The following N4BP1 variants were observed in gnomAD, a reference collection of about 807,000 sequenced individuals.
The protein encoded by N4BP1 is NEDD4 binding protein 1, also known as NEDD4-binding protein 1.
Under a neutral mutation model 70.9 loss-of-function variants are expected in N4BP1, and 21 were observed. The observed-to-expected ratio is 0.30, with a 90% confidence interval of 0.21 to 0.43. The LOEUF (loss-of-function observed/expected upper bound fraction) is 0.43, where lower values mean the gene tolerates loss of function less well. Among genes scored for constraint, N4BP1 ranks in the 20% least tolerant of loss-of-function variants. N4BP1 has a pLI of 1.00. For missense variants in N4BP1, 936 were observed against 1,069.4 expected, an observed-to-expected ratio of 0.88 and a Z score of 1.74; for synonymous variants, 387 against 394.6, an observed-to-expected ratio of 0.98 and a Z score of 0.23.
chr16:48,548,741 GAGGTGGAGGATCAGCTGAGCCCAGGC>G (rs1172805056), intron 4 of N4BP1, among the ~76,000 whole-genome samples: 2 of 151,728 alleles, frequency 1.3e-5, no homozygotes, highest in East Asian at 3.9e-4. Context: ...TCAGGAGGCT[GAGGTGGAGGATCAGCTGAGCCCAGGC>G]AGGTGGAGGG....
chr16:48,598,369 G>A (rs1463555236), intron 1 of N4BP1, among the ~76,000 whole-genome samples: 38 of 152,130 alleles, frequency 2.5e-4, no homozygotes, highest in Admixed American at 2.4e-3. Flanking sequence ...GCAAAAGGCA[G>A]GGAGGAGAGT....
intron 1 of N4BP1, among the ~76,000 whole-genome samples, chr16:48,572,035 A>AT: frequency 6.6e-6 from 1 of 152,018 alleles, no homozygotes; most frequent in East Asian, 1.9e-4. Flanking sequence ...CCCCATCTCT[A>AT]TAAAAAACAC....
intron 1 of N4BP1, among the ~76,000 whole-genome samples, chr16:48,609,538 C>A (rs927223173): frequency 5.3e-5 from 8 of 152,224 alleles, no homozygotes; most frequent in Admixed American, 5.2e-4. Flanking sequence ...CGACAGCCCT[C>A]TGAGGTAGGT....
chr16:48,597,812 C>T (rs1160496514), intron 1 of N4BP1, among the ~76,000 whole-genome samples: 1 of 152,196 alleles, frequency 6.6e-6, no homozygotes, highest in Non-Finnish European at 1.5e-5. Context: ...AACCCAGTGT[C>T]TGTGCATATT....
chr16:48,565,648 G>T (rs1027403181), intron 1 of N4BP1, among the ~76,000 whole-genome samples: 2 of 152,188 alleles, frequency 1.3e-5, no homozygotes, highest in African/African-American at 4.8e-5. Context: ...CTATACATGA[G>T]TTAGAAAGTG....
chr16:48,583,914 C>T (rs1355466669), intron 1 of N4BP1, among the ~76,000 whole-genome samples: 1 of 152,206 alleles, frequency 6.6e-6, no homozygotes, highest in Middle Eastern at 3.2e-3. Context: ...CCAAGCATGT[C>T]TCATTTTGGC....
chr16:48,547,115 T>C (rs1963601150), intron 5 of N4BP1, among the ~76,000 whole-genome samples: 1 of 152,254 alleles, frequency 6.6e-6, no homozygotes, highest in African/African-American at 2.4e-5. Context: ...TAAAATCTTC[T>C]AATAATTTAG....
At chr16:48,569,707 A>G (rs1185064595) in intron 1 of N4BP1, among the ~76,000 whole-genome samples, 2 of 152,144 alleles carry the variant, frequency 1.3e-5, no homozygotes, top group African/African-American at 2.4e-5. Flanking sequence ...GCAATGCTAT[A>G]TATCTATCCC....
At chr16:48,603,242 G>T (rs1409255240) in intron 1 of N4BP1, among the ~76,000 whole-genome samples, 2 of 152,028 alleles carry the variant, frequency 1.3e-5, no homozygotes, top group Admixed American at 1.3e-4. Flanking sequence ...GGACTGGGTG[G>T]TAGCCTGCCT....
intron 1 of N4BP1, among the ~76,000 whole-genome samples, chr16:48,586,952 C>T (rs1964254583): frequency 6.6e-6 from 1 of 152,082 alleles, no homozygotes; most frequent in Non-Finnish European, 1.5e-5. Context: ...ATGTTCTTAG[C>T]TTTCAAATAA....
At chr16:48,565,287 G>C (rs929603523) in intron 1 of N4BP1, among the ~76,000 whole-genome samples, 12 of 152,170 alleles carry the variant, frequency 7.9e-5, no homozygotes, top group African/African-American at 2.9e-4. Context: ...TGATGTAACA[G>C]GGAAAGTTTT....
At chr16:48,562,592 A>T (rs962736104) in intron 1 of N4BP1, 148 bp from the exon 2 acceptor site, 18 of 714,428 alleles carry the variant, frequency 2.5e-5, no homozygotes, top group African/African-American at 3.6e-5. Flanking sequence ...GTTTTAAATA[A>T]AACATTGAAA....
At position 48,548,133 on chromosome 16, in the gene N4BP1, G is replaced by A; in HGVS notation, c.2118-19C>T. ...TAGAAACCTATGGTAATATAAGAGAGTTTAAAATCAGCAACAGGCATCCTT... is the reference window on the plus strand; with the variant it reads ...TAGAAACCTATGGTAATATAAGAGAATTTAAAATCAGCAACAGGCATCCTT... On this transcript the variant is annotated intron_variant, in intron 4 of 6. Transcript: ENST00000262384. The A allele has an allele frequency of 1.4e-6, 2 of 1,461,566 alleles. No homozygotes were observed. Among genetic ancestry groups the A allele is most frequent in the Non-Finnish European group, 1.9e-6 (2 of 1,046,870 alleles). The allele number at this position is 1,461,566 out of a possible 1,614,324, so 90.5% of individuals were successfully genotyped here.
chr16:48,581,802 C>G (rs1964177867), intron 1 of N4BP1, among the ~76,000 whole-genome samples: 1 of 151,956 alleles, frequency 6.6e-6, no homozygotes, highest in Admixed American at 6.5e-5. Flanking sequence ...CAATAATCAA[C>G]TAAAGATGGA....
At chr16:48,609,543 G>T (rs113933278) in intron 1 of N4BP1, among the ~76,000 whole-genome samples, 1 of 152,226 alleles carries the variant, frequency 6.6e-6, no homozygotes, top group Non-Finnish European at 1.5e-5. Flanking sequence ...GCCCTCTGAG[G>T]TAGGTACTTT....
intron 1 of N4BP1, among the ~76,000 whole-genome samples, chr16:48,602,647 C>T (rs1166364415): frequency 1.3e-5 from 2 of 152,114 alleles, no homozygotes; most frequent in African/African-American, 4.8e-5. Flanking sequence ...AGGCCACCAA[C>T]CTTCTTCCTG....
chr16:48,560,254 G>C (rs937604626), intron 2 of N4BP1, among the ~76,000 whole-genome samples: 1 of 152,200 alleles, frequency 6.6e-6, no homozygotes, highest in Non-Finnish European at 1.5e-5. Context: ...GAGGCCCACA[G>C]TGAAGCTCAA....
intron 6 of N4BP1, among the ~76,000 whole-genome samples, chr16:48,545,423 A>C (rs1178954606): frequency 1.3e-5 from 2 of 151,430 alleles, no homozygotes; most frequent in African/African-American, 4.8e-5. Flanking sequence ...AAAAAAATAC[A>C]AAAAATTAGC....
At position 48,562,471 on chromosome 16, in the gene N4BP1, T is replaced by A; in HGVS notation, c.199-27A>T. ...TGTAAAGAGAAAATAAGAAATTAGG[T>A]CAATTTACAAAAGTTCCTTATAGCA... On this transcript the variant is annotated intron_variant, in intron 1 of 6. Transcript: ENST00000262384. 4 of 1,547,312 alleles carry A rather than the reference T, an allele frequency of 2.6e-6. No individual in the cohort carries two copies. In the South Asian group the frequency reaches 5.0e-5, roughly 19 times the overall value.
Sources: gnomAD v4.1 joint callset for allele counts (sites outside exome capture counted in the v4.1 genomes callset) on GRCh38, gnomAD v4.1.1 for gene constraint, MANE v1.5 for transcripts, NCBI Gene and HGNC (gene_info 2026-07-23, HGNC 2026-07-21) for gene names.